The following DYNC2I1 variants were observed in gnomAD, a reference collection of about 807,000 sequenced individuals.
DYNC2I1 encodes the protein dynein 2 intermediate chain 1, also known as cytoplasmic dynein 2 intermediate chain 1.
DYNC2I1 carries 89 observed loss-of-function variants against 133.4 expected under a neutral mutation model. The observed-to-expected ratio is 0.67, with a 90% CI of 0.56 to 0.80. The LOEUF is 0.80. DYNC2I1 is among the 30% of genes least tolerant of loss of function. DYNC2I1 has a pLI of 0.00. For synonymous variants in DYNC2I1, 504 were observed against 484.3 expected (o/e 1.04, Z -0.54); for missense variants, 1,291 against 1,314.5 (o/e 0.98, Z 0.28).
chr7:158,859,563 C>T (rs1327591861), intron 1 of DYNC2I1, among the ~76,000 whole-genome samples: 25 of 152,014 alleles, frequency 1.6e-4, no homozygotes, highest in Non-Finnish European at 2.6e-4. Context: ...AGTGCAATGG[C>T]GTGATCTCAG....
chr7:158,946,811 A>G (rs117266736), downstream of DYNC2I1, among the ~76,000 whole-genome samples: 2,151 of 152,312 alleles, frequency 0.014, 18 homozygotes, highest in Non-Finnish European at 0.022. Context: ...ACCGTTGGCC[A>G]TCGATGGGTC....
chr7:158,856,662 AG>A lies in DYNC2I1; in HGVS notation c.-72del. The A allele has an allele frequency of 8.2e-7, 1 of 1,225,454 alleles. No individual in the cohort carries two copies. The highest frequency in any genetic ancestry group is 1.0e-6 in the Non-Finnish European group (1 of 981,570). The allele number at this position is 1,225,454 out of a possible 1,614,324, so 75.9% of individuals were successfully genotyped here. A position where few individuals can be genotyped will look rare whatever the true frequency, so the allele number is the denominator to read the frequency against. ...GCGCCTCCCGAAGGGTGCGGGGCACAGGTGGCCTCTTCGGGGTGGACCGCGC... is the reference window on the plus strand; with the variant it reads ...GCGCCTCCCGAAGGGTGCGGGGCACAGTGGCCTCTTCGGGGTGGACCGCGC... On this transcript the variant is annotated 5_prime_UTR_variant, in exon 1 of 25. Coordinates refer to ENST00000407559, the MANE Select transcript of DYNC2I1 (RefSeq NM_018051.5).
intron 20 of DYNC2I1, among the ~76,000 whole-genome samples, chr7:158,927,662 T>C (rs916059285): frequency 1.3e-5 from 2 of 151,974 alleles, no homozygotes; most frequent in African/African-American, 4.8e-5. Flanking sequence ...AGCAATTCTC[T>C]TGCCTCAACC....
chr7:158,923,541 T>G (rs1849299654), intron 16 of DYNC2I1, 30 bp from the exon 17 acceptor site: 1 of 1,613,910 alleles, frequency 6.2e-7, no homozygotes, highest in Admixed American at 1.7e-5. Context: ...TATTCTTCTG[T>G]CATTGGCTTT....
In DYNC2I1 at chr7:158,915,582, C is replaced by G. The variant is rs144738437; in HGVS notation, c.1791+1261C>G. ...AGGATGATTGTGAAACCTCGACACGCTGGTTGAGATTAAGGATGATTGTGA... is the reference window on the plus strand; with the variant it reads ...AGGATGATTGTGAAACCTCGACACGGTGGTTGAGATTAAGGATGATTGTGA... On this transcript the variant is annotated intron_variant, in intron 14 of 24. Coordinates refer to ENST00000407559, the MANE Select transcript of DYNC2I1 (RefSeq NM_018051.5). Among the ~76,000 whole-genome samples, 240 of 44,692 alleles carry G rather than the reference C, an allele frequency of 5.4e-3. 1 individual carries two copies. The highest frequency in any genetic ancestry group is 0.014 in the East Asian group (8 of 560). 29.3% of individuals were successfully genotyped at this position (44,692 alleles called of 152,430 possible).
chr7:158,918,783 C>T lies in DYNC2I1; in HGVS notation c.1835C>T (p.Pro612Leu), dbSNP rs1202023790. The T allele has an allele frequency of 5.6e-6, 9 of 1,613,764 alleles. No homozygotes were observed. Among genetic ancestry groups the T allele is most frequent in the Non-Finnish European group, 7.6e-6 (9 of 1,179,802 alleles). The change falls in exon 15 of 25, where the codon CCC becomes CTC. Residue 612 changes from proline (P) to leucine (L), a missense_variant. Coordinates refer to ENST00000407559, the MANE Select transcript of DYNC2I1 (RefSeq NM_018051.5). ...GAAGAGGATCGCTTGGCAGCTGAAC[C>T]CAGCTGGAATCTTAGGGCTCAAGAC... ...LLEEDRLAAE[P>L]SWNLRAQDRA...
chr7:158,914,789 G>A (rs1423181949), intron 14 of DYNC2I1, among the ~76,000 whole-genome samples: 3 of 152,164 alleles, frequency 2.0e-5, no homozygotes, highest in Non-Finnish European at 4.4e-5. Flanking sequence ...GGTCTCGTCT[G>A]ACCCCCCTGC....
At chr7:158,863,052 T>G (rs550863314) in intron 1 of DYNC2I1, among the ~76,000 whole-genome samples, 2 of 136,706 alleles carry the variant, frequency 1.5e-5, no homozygotes, top group Admixed American at 8.6e-5. Flanking sequence ...AGATTTATTG[T>G]GAAGAACAAA....
In DYNC2I1 at chr7:158,926,421, C is replaced by T. The variant is rs1172350160; in HGVS notation, c.2391C>T (p.Phe797=). 1.2e-6 allele frequency: 2 copies of T among 1,613,252 alleles called. No individual in the cohort carries two copies. The highest frequency in any genetic ancestry group is 1.7e-6 in the Non-Finnish European group (2 of 1,179,584). ...CATCAGAAATGTCAGGTTTGTCCTT[C>T]CACATCGCTTCCTTGGATGAGAGTG... ...STQEEMSGLS[F]HIASLDESGV... The change falls in exon 19 of 25, where the codon TTC becomes TTT. Residue 797 remains phenylalanine (F), a synonymous_variant. Coordinates refer to ENST00000407559, the MANE Select transcript of DYNC2I1 (RefSeq NM_018051.5).
chr7:158,929,463 T>C (rs1249733122), intron 20 of DYNC2I1, among the ~76,000 whole-genome samples: 2 of 151,128 alleles, frequency 1.3e-5, no homozygotes, highest in Admixed American at 6.6e-5. Context: ...AAAGGCTGCC[T>C]GTGGGCTATG....
chr7:158,841,194 T>C, the DYNC2I1 span, among the ~76,000 whole-genome samples: 3 of 92,130 alleles, frequency 3.3e-5, no homozygotes. Flanking sequence ...TATATATATA[T>C]ATATATATAT....
At chr7:158,874,923 G>A (rs1843215027) in intron 3 of DYNC2I1, among the ~76,000 whole-genome samples, 1 of 152,028 alleles carries the variant, frequency 6.6e-6, no homozygotes, top group South Asian at 2.1e-4. Flanking sequence ...AATAGCACCT[G>A]CATCCTCGCG....
At chr7:158,930,926 C>T (rs956673711) in intron 21 of DYNC2I1, among the ~76,000 whole-genome samples, 2 of 152,112 alleles carry the variant, frequency 1.3e-5, no homozygotes, top group African/African-American at 2.4e-5. Flanking sequence ...CCTCAGCCTC[C>T]CAAAGTGCTG....
Position 158,879,711 on chromosome 7 carries a change from C to T in DYNC2I1, c.601C>T (p.Pro201Ser), listed in dbSNP as rs1239081125. ...KLQYGDSKDN[P>S]LKYWLYKEEG... The stretch of plus-strand genomic sequence containing the variant: ...GCAGTACGGAGACAGCAAGGACAAC[C>T]CTCTCAAGTACTGGCTTTATAAAGA... The change falls in exon 5 of 25, where the codon CCT (proline) becomes TCT (serine). Residue 201 changes from proline to serine, a missense_variant. By Grantham distance (74) the Pro-to-Ser change is moderately conservative (BLOSUM62 -1). Coordinates refer to ENST00000407559, the MANE Select transcript of DYNC2I1 (RefSeq NM_018051.5). The T allele has an allele frequency of 6.3e-7, 1 of 1,591,202 alleles. No homozygotes were observed. Among genetic ancestry groups the T allele is most frequent in the Non-Finnish European group, 8.5e-7 (1 of 1,173,698 alleles).
downstream of DYNC2I1, among the ~76,000 whole-genome samples, chr7:158,949,840 C>T (rs1480336604): frequency 4.6e-5 from 7 of 151,942 alleles, no homozygotes; most frequent in East Asian, 9.7e-4. Context: ...GGCGCAATCT[C>T]GCCTCACCGC....
chr7:158,954,887 C>T (rs529258455), intron 4 of DYNC2I1, among the ~76,000 whole-genome samples: 1 of 152,062 alleles, frequency 6.6e-6, no homozygotes, highest in South Asian at 2.1e-4. Context: ...GAAGGCGGTC[C>T]CTCCCCACAC....
At chr7:158,869,461 G>C (rs760058938) in intron 1 of DYNC2I1, 18 of 472,194 alleles carry the variant, frequency 3.8e-5, no homozygotes, top group Non-Finnish European at 3.5e-5. Flanking sequence ...AAGGAGCACA[G>C]ACTCCCTCTG....
the DYNC2I1 span, among the ~76,000 whole-genome samples, chr7:158,845,675 A>G: frequency 5.3e-5 from 8 of 152,338 alleles, no homozygotes; most frequent in African/African-American, 1.7e-4. Context: ...CCTGCAATTC[A>G]TAGACTATAA....
At chr7:158,938,400 A>G (rs1170390453) in intron 23 of DYNC2I1, among the ~76,000 whole-genome samples, 1 of 152,210 alleles carries the variant, frequency 6.6e-6, no homozygotes, top group African/African-American at 2.4e-5. Context: ...AGGGAGGGTT[A>G]AAGTCTTTCC....
Sources: allele counts gnomAD v4.1 joint callset (sites outside exome capture counted in the v4.1 genomes callset), GRCh38; gene constraint gnomAD v4.1.1; transcripts MANE v1.5; gene names NCBI Gene and HGNC (gene_info 2026-07-23, HGNC 2026-07-21).